The following AJAP1 variants were observed in gnomAD, a reference collection of about 807,000 sequenced individuals.
AJAP1 encodes adherens junctions associated protein 1.
In AJAP1, 5 loss-of-function variants were observed where a neutral mutation model predicts 35.0. The observed-to-expected ratio is 0.14, with a 90% CI of 0.07 to 0.30. The LOEUF (loss-of-function observed/expected upper bound fraction) is 0.30. Among genes scored for constraint, AJAP1 ranks in the 10% least tolerant of loss-of-function variants. The probability of loss-of-function intolerance (pLI) is 1.00; values close to 1 mark genes in which losing one functional copy is unlikely to be tolerated. For synonymous variants in AJAP1, 284 were observed against 249.3 expected, an observed-to-expected ratio of 1.14 and a Z score of -1.31; for missense variants, 586 against 571.0, an observed-to-expected ratio of 1.03 and a Z score of -0.27.
chr1:4,660,145 T>A (rs1471334971), intron 1 of AJAP1, among the ~76,000 whole-genome samples: 1 of 152,232 alleles, frequency 6.6e-6, no homozygotes, highest in Non-Finnish European at 1.5e-5. Flanking sequence ...AAAGCTGTTT[T>A]TCTTCTACCA....
chr1:4,773,159 C>G (rs1270301847), intron 4 of AJAP1, among the ~76,000 whole-genome samples: 1 of 152,016 alleles, frequency 6.6e-6, no homozygotes, highest in Non-Finnish European at 1.5e-5. Context: ...AGTGAGCATA[C>G]ATTTATGCAT....
At chr1:4,769,031 G>A (rs141868847) in intron 2 of AJAP1, among the ~76,000 whole-genome samples, 104 of 152,300 alleles carry the variant, frequency 6.8e-4, no homozygotes, top group African/African-American at 2.5e-3. Context: ...GTGCATGTGG[G>A]TGTCAGCAAA....
At chr1:4,728,326 G>A (rs1278732354) in intron 2 of AJAP1, among the ~76,000 whole-genome samples, 1 of 152,090 alleles carries the variant, frequency 6.6e-6, no homozygotes. Context: ...CCGATGGCAT[G>A]CTGGAGGGTT....
chr1:4,764,845 A>G (rs1157668592), intron 2 of AJAP1, among the ~76,000 whole-genome samples: 4 of 152,194 alleles, frequency 2.6e-5, no homozygotes, highest in Non-Finnish European at 4.4e-5. Context: ...TGTTTTTGCC[A>G]TGGACAATGG....
chr1:4,708,143 T>G (rs548202799), intron 1 of AJAP1, among the ~76,000 whole-genome samples: 2 of 151,946 alleles, frequency 1.3e-5, no homozygotes, highest in South Asian at 4.2e-4. Flanking sequence ...AATTTTTGTA[T>G]TTTTAGTAGA....
chr1:4,717,623 G>T (rs114785177), intron 2 of AJAP1, among the ~76,000 whole-genome samples: 1 of 152,264 alleles, frequency 6.6e-6, no homozygotes, highest in African/African-American at 2.4e-5. Flanking sequence ...GAGTGGGAGC[G>T]GGGAGGCCTT....
In AJAP1 at chr1:4,693,435, TG is replaced by T. The variant is rs1639789221; in HGVS notation, c.30-18462del. 3.3e-5 allele frequency among the ~76,000 whole-genome samples: 5 copies of T among 152,176 alleles called. No homozygotes were observed. The South Asian group carries it at 1.0e-3, about 32-fold the overall frequency. ...CCTAAGCAGGAGCAGGTAGGGCTTC[TG>T]GGCTAAGACTGAGCGTCCAAGCCTT... On this transcript the variant is annotated intron_variant, in intron 1 of 5. Transcript: ENST00000378191. This position sits in a 1 kb window ranked among gnomAD's most constrained non-coding sequence, Gnocchi z 4.4.
intron 3 of AJAP1, among the ~76,000 whole-genome samples, chr1:4,770,830 C>A (rs1403502293): frequency 4.6e-5 from 7 of 152,134 alleles, no homozygotes; most frequent in African/African-American, 1.7e-4. Flanking sequence ...GTGGGGGTAG[C>A]ACAGCCCCAC....
At chr1:4,697,464 G>A (rs72638804) in intron 1 of AJAP1, among the ~76,000 whole-genome samples, 8,809 of 152,318 alleles carry the variant, frequency 0.058, 349 homozygotes, top group Middle Eastern at 0.092. Flanking sequence ...CAGAGGCTGG[G>A]AAAATGCTGA....
intron 2 of AJAP1, among the ~76,000 whole-genome samples, chr1:4,718,485 C>G (rs976364732): frequency 9.6e-4 from 144 of 150,442 alleles, no homozygotes; most frequent in African/African-American, 2.9e-3. Context: ...CATTTTCTTT[C>G]TTTCCTTTTT....
intron 2 of AJAP1, among the ~76,000 whole-genome samples, chr1:4,728,170 G>A (rs1640713495): frequency 1.3e-5 from 2 of 152,206 alleles, no homozygotes; most frequent in African/African-American, 2.4e-5. Context: ...GGAACCAGGC[G>A]AGGGTCTGTG....
intron 2 of AJAP1, among the ~76,000 whole-genome samples, chr1:4,718,269 C>T (rs375930131): frequency 3.3e-5 from 5 of 152,246 alleles, no homozygotes; most frequent in African/African-American, 1.2e-4. Context: ...TGCTCCAACT[C>T]ATGAAAGTCC....
chr1:4,750,774 T>C (rs1215734180), intron 2 of AJAP1, among the ~76,000 whole-genome samples: 2 of 151,038 alleles, frequency 1.3e-5, no homozygotes. Flanking sequence ...TTGGTCTGAT[T>C]GGACCAGAGA....
At chr1:4,717,462 C>T (rs1640420126) in intron 2 of AJAP1, among the ~76,000 whole-genome samples, 1 of 152,200 alleles carries the variant, frequency 6.6e-6, no homozygotes, top group South Asian at 2.1e-4. Context: ...CAGGGTTTAC[C>T]TCTGTTCAAT....
chr1:4,726,697 G>A (rs926911953), intron 2 of AJAP1, among the ~76,000 whole-genome samples: 16 of 152,270 alleles, frequency 1.1e-4, no homozygotes, highest in Admixed American at 7.2e-4. Context: ...GATTCAGGCA[G>A]GAGGGGCCCA....
At chr1:4,668,712 G>A (rs565036943) in intron 1 of AJAP1, among the ~76,000 whole-genome samples, 21 of 152,288 alleles carry the variant, frequency 1.4e-4, no homozygotes, top group African/African-American at 3.4e-4. Flanking sequence ...CTCTGTTTCC[G>A]CAGGTTGTGC....
In AJAP1 at chr1:4,711,797, G is replaced by A. The variant is rs1570142134; in HGVS notation, c.30-103G>A. 3.4e-6 allele frequency: 3 copies of A among 890,478 alleles called. No individual in the cohort carries two copies. In the East Asian group the frequency reaches 8.9e-5, roughly 26 times the overall value. 55.2% of individuals were successfully genotyped at this position (890,478 alleles called of 1,614,324 possible). On this transcript the variant is annotated intron_variant, in intron 1 of 5. Coordinates refer to ENST00000378191, the MANE Select transcript of AJAP1 (RefSeq NM_018836.4). ...AGGAGGAGCTCTTTCCAGAAGAAGA[G>A]AGCGTCCTTGTCACAGCGCGGGGTG...
At chr1:4,752,473 C>T (rs146610444) in intron 2 of AJAP1, among the ~76,000 whole-genome samples, 5 of 152,146 alleles carry the variant, frequency 3.3e-5, no homozygotes, top group African/African-American at 2.4e-5. Context: ...GAGCCCCATT[C>T]GCAATCTTAC....
rs1297952672 is a variant in AJAP1, at chr1:4,734,693, G to A, written c.829+21994G>A. ...TGGGGCTGGAGTGGCACCTGTGGGC[G>A]ATGCTGAATATGATGCATGATCTGT... On this transcript the variant is annotated intron_variant, in intron 2 of 5. Coordinates refer to ENST00000378191, the MANE Select transcript of AJAP1 (RefSeq NM_018836.4). This position sits in a 1 kb window ranked among gnomAD's most constrained non-coding sequence, Gnocchi z 4.3. Among the ~76,000 whole-genome samples the A allele has an allele frequency of 2.6e-5, 4 of 152,182 alleles. No individual in the cohort carries two copies. Among genetic ancestry groups the A allele is most frequent in the East Asian group, 3.9e-4 (2 of 5,186 alleles).
Sources: allele counts gnomAD v4.1 joint callset (sites outside exome capture counted in the v4.1 genomes callset), GRCh38; gene constraint gnomAD v4.1.1; non-coding constraint Gnocchi (gnomAD v3.1); transcripts MANE v1.5; gene names NCBI Gene and HGNC (gene_info 2026-07-23, HGNC 2026-07-21).